The following RAP1A variants were observed in gnomAD, a reference collection of about 807,000 sequenced individuals.
RAP1A encodes the protein ras-related protein Rap-1A.
A neutral mutation model predicts 26.4 loss-of-function variants in RAP1A; 6 were observed. The observed-to-expected ratio is 0.23, with a 90% CI of 0.12 to 0.45. The LOEUF (loss-of-function observed/expected upper bound fraction) is 0.45, where lower values mean the gene tolerates loss of function less well. Among genes scored for constraint, RAP1A ranks in the 20% least tolerant of loss-of-function variants. The probability of loss-of-function intolerance (pLI) is 0.99; values close to 1 mark genes in which losing one functional copy is unlikely to be tolerated. For synonymous variants in RAP1A, 73 were observed against 79.4 expected, an observed-to-expected ratio of 0.92 and a Z score of 0.43; for missense variants, 121 against 217.2, an observed-to-expected ratio of 0.56 and a Z score of 2.78.
Position 111,703,122 on chromosome 1 carries a change from CAAATT to C in RAP1A, c.184-210_184-206del, listed in dbSNP as rs565653101. 1.2e-4 allele frequency among the ~76,000 whole-genome samples: 19 copies of C among 152,214 alleles called. No homozygotes were observed. The South Asian group carries it at 3.7e-3, about 30-fold the overall frequency. On this transcript the variant is annotated intron_variant, in intron 4 of 7. Transcript: ENST00000369709. ...TATACAGCTCTAAATCACACAAAAG[CAAATT>C]AAAGTGGTTAAGAATTCCTTTTTAA...
intron 1 of RAP1A, among the ~76,000 whole-genome samples, chr1:111,614,728 T>G (rs1428363715): frequency 6.6e-6 from 1 of 152,194 alleles, no homozygotes; most frequent in African/African-American, 2.4e-5. Context: ...TAGACAGGGG[T>G]ATGGATGCTC....
At chr1:111,637,276 A>G (rs919238154) in intron 1 of RAP1A, among the ~76,000 whole-genome samples, 31 of 152,242 alleles carry the variant, frequency 2.0e-4, no homozygotes, top group African/African-American at 7.5e-4. Flanking sequence ...AAATGTACAT[A>G]GATTACTTAA....
chr1:111,630,580 G>A (rs1164532504), intron 1 of RAP1A, among the ~76,000 whole-genome samples: 1 of 152,204 alleles, frequency 6.6e-6, no homozygotes, highest in African/African-American at 2.4e-5. Flanking sequence ...AAATGATAGA[G>A]AATGATGAAA....
chr1:111,638,249 A>T (rs1180453245), intron 1 of RAP1A, among the ~76,000 whole-genome samples: 1 of 152,124 alleles, frequency 6.6e-6, no homozygotes, highest in Non-Finnish European at 1.5e-5. Context: ...AAGCTGTATG[A>T]TACATAGTAA....
intron 1 of RAP1A, chr1:111,608,051 C>T (rs1658839638): frequency 6.4e-6 from 1 of 156,554 alleles, no homozygotes; most frequent in South Asian, 1.8e-4. Flanking sequence ...CTGACCCCCA[C>T]CTCCCTCCCG....
At chr1:111,675,095 T>G (rs1661084864) in intron 1 of RAP1A, among the ~76,000 whole-genome samples, 1 of 152,226 alleles carries the variant, frequency 6.6e-6, no homozygotes, top group Non-Finnish European at 1.5e-5. Flanking sequence ...TTAAGCTGTT[T>G]CCTTTGCTTG....
chr1:111,651,687 G>A (rs1247634061), intron 1 of RAP1A, among the ~76,000 whole-genome samples: 1 of 151,908 alleles, frequency 6.6e-6, no homozygotes, highest in Non-Finnish European at 1.5e-5. Flanking sequence ...ATGTTGGCCA[G>A]GCTGGTCTTG....
intron 1 of RAP1A, among the ~76,000 whole-genome samples, chr1:111,682,820 G>A (rs754316628): frequency 9.2e-5 from 14 of 152,134 alleles, no homozygotes; most frequent in East Asian, 1.9e-4. Flanking sequence ...TGGACCAAGC[G>A]GACCTAATAG....
At chr1:111,561,967 C>T (rs1176603198) in intron 1 of RAP1A, among the ~76,000 whole-genome samples, 1 of 152,130 alleles carries the variant, frequency 6.6e-6, no homozygotes, top group Non-Finnish European at 1.5e-5. Context: ...ACCAGGTCAT[C>T]CCTAGTTTAA....
At chr1:111,702,193 C>T (rs761007982) in intron 4 of RAP1A, among the ~76,000 whole-genome samples, 52 of 152,144 alleles carry the variant, frequency 3.4e-4, no homozygotes, top group Non-Finnish European at 6.2e-4. Context: ...GTGGATTTAT[C>T]TTTTACGTTT....
intron 1 of RAP1A, among the ~76,000 whole-genome samples, chr1:111,669,245 C>T (rs1396968132): frequency 1.3e-5 from 2 of 152,096 alleles, no homozygotes; most frequent in Non-Finnish European, 2.9e-5. Context: ...TGATACCATT[C>T]TGTGTCTAAT....
chr1:111,655,281 CAG>C (rs1395238987), intron 1 of RAP1A, among the ~76,000 whole-genome samples: 4 of 133,658 alleles, frequency 3.0e-5, no homozygotes, highest in African/African-American at 5.8e-5. Context: ...AAAAAAACAA[CAG>C]AAATTAACTT....
At chr1:111,685,020 C>G (rs891701884) in intron 1 of RAP1A, among the ~76,000 whole-genome samples, 1 of 152,164 alleles carries the variant, frequency 6.6e-6, no homozygotes, top group Non-Finnish European at 1.5e-5. Flanking sequence ...CTAACAAAAA[C>G]AAGCAATGGG....
At chr1:111,610,574 A>T (rs1658909734) in intron 1 of RAP1A, among the ~76,000 whole-genome samples, 1 of 135,242 alleles carries the variant, frequency 7.4e-6, no homozygotes, top group Admixed American at 7.2e-5. Context: ...ACACACACAC[A>T]CACACACCCA....
chr1:111,557,185 T>C (rs183082952), intron 1 of RAP1A, among the ~76,000 whole-genome samples: 1 of 152,300 alleles, frequency 6.6e-6, no homozygotes, highest in African/African-American at 2.4e-5. Context: ...GGAAGGCAGA[T>C]GGAAAAGCAT....
At chr1:111,655,955 G>A (rs956094492) in intron 1 of RAP1A, among the ~76,000 whole-genome samples, 1 of 151,926 alleles carries the variant, frequency 6.6e-6, no homozygotes, top group African/African-American at 2.4e-5. Flanking sequence ...CTCCCAAAGT[G>A]CTGGGATTAC....
chr1:111,705,877 T>C (rs1662172696), intron 6 of RAP1A, among the ~76,000 whole-genome samples: 1 of 152,206 alleles, frequency 6.6e-6, no homozygotes, highest in Non-Finnish European at 1.5e-5. Flanking sequence ...GTCCTTGTCC[T>C]TACCTCCATG....
chr1:111,572,930 T>A (rs1238892925), intron 1 of RAP1A, among the ~76,000 whole-genome samples: 1 of 152,190 alleles, frequency 6.6e-6, no homozygotes. Flanking sequence ...CTCCAGTGTC[T>A]ATCGTTCCCC....
chr1:111,656,583 C>T (rs1032210938), intron 1 of RAP1A, among the ~76,000 whole-genome samples: 14 of 152,160 alleles, frequency 9.2e-5, no homozygotes, highest in Non-Finnish European at 1.9e-4. Flanking sequence ...ATTGGTTTAT[C>T]CAGTCTCCAG....
Sources: gnomAD v4.1 joint callset for allele counts (sites outside exome capture counted in the v4.1 genomes callset) on GRCh38, gnomAD v4.1.1 for gene constraint, MANE v1.5 for transcripts, NCBI Gene and HGNC (gene_info 2026-07-23, HGNC 2026-07-21) for gene names.